The following ANKRD27 variants were observed in gnomAD, a reference collection of about 807,000 sequenced individuals.
ANKRD27 encodes the protein ankyrin repeat domain-containing protein 27.
In ANKRD27, 112 loss-of-function variants were observed where a neutral mutation model predicts 129.7. The ratio of observed to expected loss-of-function variants is 0.86; its 90% CI spans 0.74 to 1.01. ANKRD27 has a LOEUF of 1.01. Ranked by LOEUF, ANKRD27 falls within the 50% of genes least tolerant of loss-of-function variation. The pLI is 0.00. For synonymous variants in ANKRD27, 516 were observed against 511.2 expected (o/e 1.01, Z -0.13); for missense variants, 1,258 against 1,300.5 (o/e 0.97, Z 0.50).
At position 32,656,095 on chromosome 19, in the gene ANKRD27, G is replaced by GGAAAAGA. The variant is rs1555747114; in HGVS notation, c.102+2818_102+2819insTCTTTTC. On this transcript the variant is annotated intron_variant, in intron 2 of 28. Coordinates refer to ENST00000306065, the MANE Select transcript of ANKRD27 (RefSeq NM_032139.3). ...AGAAAGAAAGAAAGAAAGAAAGAAA[G>GGAAAAGA]AAAGAAAGAAAGAAAAGAAAAGAAA... Among the ~76,000 whole-genome samples, 22 of 116,588 alleles carry GGAAAAGA rather than the reference G, an allele frequency of 1.9e-4. 1 individual carries two copies. Among genetic ancestry groups the GGAAAAGA allele is most frequent in the African/African-American group, 7.8e-4 (21 of 26,918 alleles). 76.5% of individuals were successfully genotyped at this position (116,588 alleles called of 152,430 possible).
intron 2 of ANKRD27, chr19:32,655,328 C>T (rs1414999794): frequency 4.6e-5 from 7 of 152,520 alleles, no homozygotes; most frequent in Non-Finnish European, 1.0e-4. Flanking sequence ...GATTCAAGTC[C>T]ACCAAACAAG....
chr19:32,635,160 G>C (rs914112316), intron 12 of ANKRD27, among the ~76,000 whole-genome samples: 1 of 152,116 alleles, frequency 6.6e-6, no homozygotes, highest in Non-Finnish European at 1.5e-5. Context: ...TTTGAGAGGT[G>C]GACACCTCCT....
chr19:32,661,687 G>C (rs1967648995), intron 1 of ANKRD27, among the ~76,000 whole-genome samples: 1 of 151,968 alleles, frequency 6.6e-6, no homozygotes, highest in Admixed American at 6.6e-5. Flanking sequence ...GTATACTTGG[G>C]GGATTGGTTC....
chr19:32,613,287 G>A (rs1430047041), intron 22 of ANKRD27, among the ~76,000 whole-genome samples: 16 of 152,186 alleles, frequency 1.1e-4, no homozygotes, highest in Admixed American at 1.0e-3. Context: ...CAGTGCTGGG[G>A]AGGACGAGGA....
At chr19:32,632,799 G>A (rs1967020366) in intron 12 of ANKRD27, among the ~76,000 whole-genome samples, 1 of 152,060 alleles carries the variant, frequency 6.6e-6, no homozygotes, top group Non-Finnish European at 1.5e-5. Flanking sequence ...ACAAATTTGT[G>A]GAATAAGGAT....
chr19:32,610,003 C>T (rs1241378035), intron 22 of ANKRD27, among the ~76,000 whole-genome samples: 1 of 151,312 alleles, frequency 6.6e-6, no homozygotes, highest in African/African-American at 2.4e-5. Context: ...CAGCCAAGAC[C>T]CTGTCTCTAC....
intron 4 of ANKRD27, 28 bp from the exon 5 acceptor site, chr19:32,644,507 G>T: frequency 6.2e-7 from 1 of 1,606,500 alleles, no homozygotes; most frequent in Middle Eastern, 1.7e-4. Flanking sequence ...AGGTCAGGCC[G>T]GCTGAAGCCT....
chr19:32,606,402 TCTCGGC>T (rs1209575032), intron 23 of ANKRD27, among the ~76,000 whole-genome samples: 2 of 152,042 alleles, frequency 1.3e-5, no homozygotes, highest in East Asian at 1.9e-4. Context: ...GATCCACCCG[TCTCGGC>T]CTCCCAAAAT....
chr19:32,667,925 G>A (rs982050792), intron 1 of ANKRD27, among the ~76,000 whole-genome samples: 17 of 151,672 alleles, frequency 1.1e-4, no homozygotes, highest in East Asian at 5.8e-4. Context: ...TTTAAAAAGC[G>A]TAAAAGTGAA....
chr19:32,669,627 C>A (rs1203749514), intron 1 of ANKRD27, among the ~76,000 whole-genome samples: 1 of 152,142 alleles, frequency 6.6e-6, no homozygotes, highest in Admixed American at 6.6e-5. Flanking sequence ...ACTTCCACCC[C>A]GCAAGATGAG....
At chr19:32,638,457 A>G (rs1967131693) in intron 12 of ANKRD27, 2 of 152,190 alleles carry the variant, frequency 1.3e-5, no homozygotes, top group South Asian at 2.1e-4. Flanking sequence ...CTTCCTCGAC[A>G]TGGGACAAGA....
rs752832511 is a variant in ANKRD27 at position 32,643,087 on chromosome 19, C to CT, written c.782+35dup. On this transcript the variant is annotated intron_variant, in intron 9 of 28. Coordinates refer to ENST00000306065, the MANE Select transcript of ANKRD27 (RefSeq NM_032139.3). ...CCGGGAGAAGACAGCACCCCTGCCT[C>CT]TGAGGACACCAAGCCGCTGTGGCGC... is the stretch of plus-strand genomic sequence containing the variant. The CT allele has an allele frequency of 5.6e-6, 9 of 1,609,124 alleles. No individual in the cohort carries two copies. In the Admixed American group the frequency reaches 6.7e-5, roughly 12 times the overall value.
chr19:32,638,946 G>C (rs147512656), intron 12 of ANKRD27: 1 of 304,944 alleles, frequency 3.3e-6, no homozygotes, highest in Non-Finnish European at 6.0e-6. Flanking sequence ...GAGCCCAGCA[G>C]GCCCGAACAA....
intron 12 of ANKRD27, among the ~76,000 whole-genome samples, chr19:32,633,431 C>A (rs1435338838): frequency 6.8e-6 from 1 of 146,596 alleles, no homozygotes; most frequent in East Asian, 2.1e-4. Context: ...CTACCAGGTT[C>A]AAGTGATCCT....
At chr19:32,606,202 G>C (rs1433669590) in intron 23 of ANKRD27, among the ~76,000 whole-genome samples, 3 of 147,740 alleles carry the variant, frequency 2.0e-5, no homozygotes, top group African/African-American at 7.5e-5. Flanking sequence ...GCCCAGGCTG[G>C]AGTGCAGTGG....
chr19:32,625,435 C>CTTTTTT (rs34165165), intron 17 of ANKRD27, among the ~76,000 whole-genome samples: 1 of 133,292 alleles, frequency 7.5e-6, no homozygotes, highest in Non-Finnish European at 1.6e-5. Flanking sequence ...TAAACATTCT[C>CTTTTTT]TTTTTTTTTT....
At chr19:32,602,618 C>A (rs1003893553) in intron 25 of ANKRD27, among the ~76,000 whole-genome samples, 1 of 151,860 alleles carries the variant, frequency 6.6e-6, no homozygotes, top group Non-Finnish European at 1.5e-5. Flanking sequence ...AAAGGCCAGG[C>A]GCGATGGCTC....
In ANKRD27 at chr19:32,663,072, C is replaced by G. The variant is rs572803876; in HGVS notation, c.-30-4027G>C. The stretch of plus-strand genomic sequence containing the variant: ...CAAAACAAAACAAAAAGTCTTAGTA[C>G]ATTCAAGAAATAAGAAAAGTAAATG... On this transcript the variant is annotated intron_variant, in intron 1 of 28. Transcript: ENST00000306065. Among the ~76,000 whole-genome samples, 139 of 152,246 alleles carry G rather than the reference C, an allele frequency of 9.1e-4. 1 individual carries two copies. The highest frequency in any genetic ancestry group is 3.2e-3 in the African/African-American group (134 of 41,556).
intron 1 of ANKRD27, among the ~76,000 whole-genome samples, chr19:32,672,224 T>C (rs1347353433): frequency 6.6e-6 from 1 of 152,246 alleles, no homozygotes; most frequent in Non-Finnish European, 1.5e-5. Flanking sequence ...TGGTCTAATT[T>C]ATGATTCAGA....
Sources: gnomAD v4.1 joint callset for allele counts (sites outside exome capture counted in the v4.1 genomes callset) on GRCh38, gnomAD v4.1.1 for gene constraint, MANE v1.5 for transcripts, NCBI Gene and HGNC (gene_info 2026-07-23, HGNC 2026-07-21) for gene names.